The following SERTAD4 variants were observed in gnomAD, a reference collection of about 807,000 sequenced individuals.
SERTAD4 encodes SERTA domain-containing protein 4.
SERTAD4 carries 18 observed loss-of-function variants against 32.9 expected under a neutral mutation model. That is an observed-to-expected ratio of 0.55 (90% CI 0.38 to 0.81). SERTAD4 has a LOEUF of 0.81. Among genes scored for constraint, SERTAD4 ranks in the 30% least tolerant of loss-of-function variants. The pLI is 0.00. For synonymous variants in SERTAD4, 150 were observed against 156.4 expected, an observed-to-expected ratio of 0.96 and a Z score of 0.30; for missense variants, 383 against 426.0, an observed-to-expected ratio of 0.90 and a Z score of 0.89.
rs999777065 is a variant in SERTAD4, at chr1:210,244,505, T to C, written c.*2168T>C. 2.0e-5 allele frequency: 3 copies of C among 152,340 alleles called. No homozygotes were observed. The highest frequency in any genetic ancestry group is 3.4e-3 in the Middle Eastern group (1 of 294). The allele number at this position is 152,340 out of a possible 1,614,324, so 9.4% of individuals were successfully genotyped here. ...AGTTATAACAGCTACAGATTATTGC[T>C]AGTAGCATTCCATACAATTCCATAT... is the stretch of plus-strand genomic sequence containing the variant. On this transcript the variant is annotated 3_prime_UTR_variant, in exon 4 of 4. Coordinates refer to ENST00000367012, the MANE Select transcript of SERTAD4 (RefSeq NM_019605.5).
Position 210,232,946 on chromosome 1 carries a change from G to T in SERTAD4, c.-83G>T, listed in dbSNP as rs1298235312. 4 of 149,826 alleles carry T rather than the reference G, an allele frequency of 2.7e-5. No homozygotes were observed. The highest frequency in any genetic ancestry group is 9.7e-5 in the African/African-American group (4 of 41,178). 9.3% of individuals were successfully genotyped at this position (149,826 alleles called of 1,614,324 possible). ...AGTGTGCACCGGCGGCCGGGCTGGCGCCGAGCCCAGAGCGGACCAGCAGCA... is the reference window on the plus strand; with the variant it reads ...AGTGTGCACCGGCGGCCGGGCTGGCTCCGAGCCCAGAGCGGACCAGCAGCA... On this transcript the variant is annotated 5_prime_UTR_variant, in exon 1 of 4. Transcript: ENST00000367012.
At chr1:210,246,294 C>T (rs1362679966), downstream of SERTAD4, 1 of 152,626 alleles carries the variant, frequency 6.6e-6, no homozygotes, top group Non-Finnish European at 1.5e-5. Context: ...AGTGCCTAAG[C>T]AAGGTATATT....
chr1:210,236,937 G>A (rs1472405303), intron 1 of SERTAD4, among the ~76,000 whole-genome samples: 1 of 152,222 alleles, frequency 6.6e-6, no homozygotes, highest in Non-Finnish European at 1.5e-5. Flanking sequence ...AGGGCCAAGT[G>A]AAGACACAGA....
downstream of SERTAD4, among the ~76,000 whole-genome samples, chr1:210,246,410 A>G (rs78770821): frequency 2.2e-3 from 334 of 152,342 alleles, 5 homozygotes; most frequent in East Asian, 0.04. Context: ...GGTACCTGCC[A>G]TATTTGAGCT....
At chr1:210,233,531 A>G in intron 1 of SERTAD4, 1 of 371,496 alleles carries the variant, frequency 2.7e-6, no homozygotes, top group South Asian at 2.0e-5. Flanking sequence ...GAATTGATGC[A>G]GTAGCTGACA....
At chr1:210,240,403 C>T (rs1435036843) in intron 3 of SERTAD4, among the ~76,000 whole-genome samples, 1 of 152,190 alleles carries the variant, frequency 6.6e-6, no homozygotes, top group Non-Finnish European at 1.5e-5. Flanking sequence ...CCCTCTGCCA[C>T]CTCATCCTTT....
chr1:210,238,541 G>C (rs74156112), intron 2 of SERTAD4, among the ~76,000 whole-genome samples: 3,570 of 152,284 alleles, frequency 0.023, 165 homozygotes, highest in African/African-American at 0.081. Flanking sequence ...TCTGCACTTT[G>C]GGCCAGCAGC....
Position 210,242,326 on chromosome 1 carries a change from A to G in SERTAD4, c.1060A>G (p.Ser354Gly). The change falls in exon 4 of 4, where the codon AGT becomes GGT. Residue 354 changes from serine (S) to glycine (G), a missense_variant. Ser to Gly is a moderately conservative substitution (Grantham distance 56, BLOSUM62 0). Transcript: ENST00000367012. The surrounding 1 kb of genome is among the most constrained non-coding windows in gnomAD (Gnocchi z 4.0). ...TAACAAACTGTGCTGCAGCAAAGGA[A>G]GTAAAATATGAGCCATCTTCTCACC... ...PSNKLCCSKG[S>G]KI The G allele has an allele frequency of 6.4e-7, 1 of 1,566,818 alleles. No individual in the cohort carries two copies. The highest frequency in any genetic ancestry group is 1.2e-5 in the South Asian group (1 of 81,534).
chr1:210,238,464 C>T (rs1397426271), intron 2 of SERTAD4, among the ~76,000 whole-genome samples: 1 of 152,210 alleles, frequency 6.6e-6, no homozygotes, highest in African/African-American at 2.4e-5. Context: ...CTGTATGGTT[C>T]TCTCACAACT....
intron 1 of SERTAD4, chr1:210,233,985 T>G (rs1375165262): frequency 1.1e-5 from 1 of 94,736 alleles, no homozygotes; most frequent in Non-Finnish European, 1.8e-5. Flanking sequence ...GGAAACTTGG[T>G]TTTTTTTTTA....
intron 1 of SERTAD4, among the ~76,000 whole-genome samples, chr1:210,236,013 A>G (rs1313511302): frequency 2.0e-5 from 3 of 152,226 alleles, no homozygotes; most frequent in African/African-American, 7.2e-5. Flanking sequence ...ATTTCCTGAT[A>G]TGATTGTCTC....
At position 210,238,079 on chromosome 1, in the gene SERTAD4, C is replaced by G. The variant is rs1164432919; in HGVS notation, c.119C>G (p.Pro40Arg). The G allele has an allele frequency of 1.2e-6, 2 of 1,613,922 alleles. No homozygotes were observed. Among genetic ancestry groups the G allele is most frequent in the South Asian group, 2.2e-5 (2 of 91,052 alleles). ...EADSYGGPSP[P>R]GPAQAPLQGD... ...GACAGCTACGGAGGCCCAAGCCCCCCAGGGCCAGCACAAGCTCCTTTGCAG... is the reference window on the plus strand; with the variant it reads ...GACAGCTACGGAGGCCCAAGCCCCCGAGGGCCAGCACAAGCTCCTTTGCAG... The change falls in exon 2 of 4, where the codon CCA becomes CGA. Residue 40 changes from proline (P) to arginine (R), a missense_variant. Pro to Arg is a moderately radical substitution (Grantham distance 103). This residue lies in a region of SERTAD4 where 96 missense variants were observed against 76.6 expected (regional missense o/e 1.25). Coordinates refer to ENST00000367012, the MANE Select transcript of SERTAD4 (RefSeq NM_019605.5).
In SERTAD4 at chr1:210,245,517, G is replaced by A. The variant is rs2084040309; in HGVS notation, c.*3180G>A. 1 of 152,206 alleles carries A rather than the reference G, an allele frequency of 6.6e-6. No homozygotes were observed. Among genetic ancestry groups the A allele is most frequent in the African/African-American group, 2.4e-5 (1 of 41,446 alleles). The allele number at this position is 152,206 out of a possible 1,614,324, so 9.4% of individuals were successfully genotyped here. A position where few individuals can be genotyped will look rare whatever the true frequency, so the allele number is the denominator to read the frequency against. The stretch of plus-strand genomic sequence containing the variant: ...CAGGGGTCCTAGGGACAGGATTGCA[G>A]GGACAGGGGACATGGGAGGAAGACA... On this transcript the variant is annotated 3_prime_UTR_variant, in exon 4 of 4. Coordinates refer to ENST00000367012, the MANE Select transcript of SERTAD4 (RefSeq NM_019605.5).
rs911302683 is a variant in SERTAD4 at position 210,243,705 on chromosome 1, C to T, written c.*1368C>T. 1.3e-5 allele frequency: 2 copies of T among 152,216 alleles called. No homozygotes were observed. Among genetic ancestry groups the T allele is most frequent in the Non-Finnish European group, 2.9e-5 (2 of 68,046 alleles). 9.4% of individuals were successfully genotyped at this position (152,216 alleles called of 1,614,324 possible). A position where few individuals can be genotyped will look rare whatever the true frequency, so the allele number is the denominator to read the frequency against. On this transcript the variant is annotated 3_prime_UTR_variant, in exon 4 of 4. Transcript: ENST00000367012. ...ATCCTTCCTTCCACTCCAGCCAACT[C>T]TTCCTGCTAAACTGTATTCCAGTTT... is the stretch of plus-strand genomic sequence containing the variant.
rs200501857 is a variant in SERTAD4 at position 210,237,990 on chromosome 1, C to T, written c.30C>T (p.Phe10=). ...CTCTGGTTCTGTCCATGAATAGATT[C>T]TGCGAGCCCATTGTCTCGGAAGGAG... MTLVLSMNR[F]CEPIVSEGAA... Residue 10 remains phenylalanine, a synonymous_variant, in exon 2 of 4, where the codon TTC becomes TTT. Transcript: ENST00000367012. 6.0e-5 allele frequency: 97 copies of T among 1,610,908 alleles called. No individual in the cohort carries two copies. The highest frequency in any genetic ancestry group is 3.3e-5 in the South Asian group (3 of 90,976).
rs758872839 is a variant in SERTAD4 at position 210,237,924 on chromosome 1, T to G, written c.-17-20T>G. 2 of 1,538,200 alleles carry G rather than the reference T, an allele frequency of 1.3e-6. No individual in the cohort carries two copies. On this transcript the variant is annotated intron_variant, in intron 1 of 3. Coordinates refer to ENST00000367012, the MANE Select transcript of SERTAD4 (RefSeq NM_019605.5). ...TAGGGCTGTTTTCTTCATTCTTGTT[T>G]TTTTTTTTTTTCTTTTCAGATCTGA...
At chr1:210,233,124 G>T (rs1160991335) in intron 1 of SERTAD4, 113 bp downstream of exon 1, 1 of 152,046 alleles carries the variant, frequency 6.6e-6, no homozygotes, top group African/African-American at 2.4e-5. Context: ...GGCCTCCCGC[G>T]CGCCCTCTTG....
Position 210,238,113 on chromosome 1 carries a change from G to A in SERTAD4, c.153G>A (p.Arg51=), listed in dbSNP as rs776229360. 4.5e-5 allele frequency: 73 copies of A among 1,609,476 alleles called. No individual in the cohort carries two copies. The highest frequency in any genetic ancestry group is 5.6e-5 in the Non-Finnish European group (66 of 1,178,672). The change falls in exon 2 of 4, where the codon CGG becomes CGA. Residue 51 remains arginine, a synonymous_variant. Transcript: ENST00000367012. ...CACAAGCTCCTTTGCAGGGAGACCG[G>A]GGAGCTGGTCCCCCACTGGCAGGTA... ...GPAQAPLQGD[R]GAGPPLAGSH...
Position 210,245,802 on chromosome 1 carries a change from G to A in SERTAD4, c.*3465G>A, listed in dbSNP as rs1469716932. 2 of 985,230 alleles carry A rather than the reference G, an allele frequency of 2.0e-6. No individual in the cohort carries two copies. Among genetic ancestry groups the A allele is most frequent in the Non-Finnish European group, 2.4e-6 (2 of 829,886 alleles). The allele number at this position is 985,230 out of a possible 1,614,324, so 61.0% of individuals were successfully genotyped here. ...GTGACTTCCTTTCTGTGTATCAGGA[G>A]CAGAGCAGAGGACAACTTGTAGAAG... On this transcript the variant is annotated 3_prime_UTR_variant, in exon 4 of 4. Transcript: ENST00000367012.
Sources: gnomAD v4.1 joint callset for allele counts (sites outside exome capture counted in the v4.1 genomes callset) on GRCh38, gnomAD v4.1.1 for gene constraint, gnomAD v4.1.1 regional missense constraint, Gnocchi (gnomAD v3.1) non-coding constraint, MANE v1.5 for transcripts, NCBI Gene and HGNC (gene_info 2026-07-23, HGNC 2026-07-21) for gene names.